The following SMG1 variants were observed in gnomAD, a reference collection of about 807,000 sequenced individuals.
SMG1 encodes SMG1 nonsense mediated mRNA decay associated PI3K related kinase, also known as serine/threonine-protein kinase SMG1.
SMG1 carries 22 observed loss-of-function variants against 419.9 expected under a neutral mutation model. The ratio of observed to expected loss-of-function variants is 0.05; its 90% CI spans 0.04 to 0.07. The LOEUF is 0.07. SMG1 is among the 10% of genes least tolerant of loss of function. The pLI is 1.00. For missense variants in SMG1, 3,185 were observed against 4,342.0 expected, an observed-to-expected ratio of 0.73 and a Z score of 7.49; for synonymous variants, 1,538 against 1,553.5, an observed-to-expected ratio of 0.99 and a Z score of 0.23.
At chr16:18,814,841 G>A (rs1489694306) in intron 60 of SMG1, among the ~76,000 whole-genome samples, 1 of 148,194 alleles carries the variant, frequency 6.7e-6, no homozygotes, top group African/African-American at 2.5e-5. Context: ...GCCTCCCAAA[G>A]TGCTGGGATT....
In SMG1 at chr16:18,845,639, A is replaced by G. The variant is rs759685770; in HGVS notation, c.6009T>C (p.Ile2003=). 1.2e-6 allele frequency: 2 copies of G among 1,609,646 alleles called. No homozygotes were observed. Among genetic ancestry groups the G allele is most frequent in the African/African-American group, 2.7e-5 (2 of 74,804 alleles). The change falls in exon 39 of 63, where the codon ATT becomes ATC. Residue 2003 remains isoleucine, a synonymous_variant. Coordinates refer to ENST00000446231, the MANE Select transcript of SMG1 (RefSeq NM_015092.5). ...NNNTLRKEEK[I]AIMREKHTAL... ...CTGTGTGCTTCTCCCTCATGATTGC[A>G]ATTTTCTCTTCTCTGACCAAGAAGA...
In SMG1 at chr16:18,897,098, C is replaced by A. The variant is rs983194653; in HGVS notation, c.93-142G>T. ...GTACTATATATTATATGTAAGCACT[C>A]AGCTGTCTAATAAGAAGTCTTTCAC... On this transcript the variant is annotated intron_variant, in intron 1 of 62. Transcript: ENST00000446231. 3 of 584,782 alleles carry A rather than the reference C, an allele frequency of 5.1e-6. No individual in the cohort carries two copies. The Admixed American group carries it at 9.8e-5, about 19-fold the overall frequency. The allele number at this position is 584,782 out of a possible 1,614,324, so 36.2% of individuals were successfully genotyped here.
chr16:18,845,965 G>A lies in SMG1; in HGVS notation c.5997-314C>T, dbSNP rs539121974. Among the ~76,000 whole-genome samples, 13 of 152,040 alleles carry A rather than the reference G, an allele frequency of 8.6e-5. No homozygotes were observed. The East Asian group carries it at 1.5e-3, about 18-fold the overall frequency. On this transcript the variant is annotated intron_variant, in intron 38 of 62. Coordinates refer to ENST00000446231, the MANE Select transcript of SMG1 (RefSeq NM_015092.5). Reference sequence around the variant, plus strand: ...TGAGTAGCTGCGACTACACACGCGCGACACCACGCCCAGCTAATTTTTTGT... The same window carrying A: ...TGAGTAGCTGCGACTACACACGCGCAACACCACGCCCAGCTAATTTTTTGT...
At chr16:18,919,661 C>T (rs1305137645) in intron 1 of SMG1, among the ~76,000 whole-genome samples, 3,422 of 17,696 alleles carry the variant, frequency 0.19, 114 homozygotes, top group African/African-American at 0.31. Context: ...TATATATACA[C>T]ACACACACAC....
chr16:18,895,990 A>G (rs2037106997), intron 3 of SMG1, 62 bp downstream of exon 3: 5 of 1,440,744 alleles, frequency 3.5e-6, no homozygotes, highest in East Asian at 2.3e-5. Context: ...GGCATCCAGA[A>G]TAAGAGGAGA....
Position 18,817,646 on chromosome 16 carries a change from C to T in SMG1, c.9895-176G>A, listed in dbSNP as rs537095520. Among the ~76,000 whole-genome samples the T allele has an allele frequency of 9.2e-5, 14 of 152,250 alleles. 1 individual carries two copies. The highest frequency in any genetic ancestry group is 7.2e-4 in the Admixed American group (11 of 15,294). On this transcript the variant is annotated intron_variant, in intron 56 of 62. Coordinates refer to ENST00000446231, the MANE Select transcript of SMG1 (RefSeq NM_015092.5). ...CTTATAAAGGCTGTAAATAAATGTA[C>T]ATTTATACTGACACTGTTAGGTCTG...
chr16:18,910,163 C>G (rs1170942179), intron 1 of SMG1, among the ~76,000 whole-genome samples: 1 of 151,336 alleles, frequency 6.6e-6, no homozygotes, highest in African/African-American at 2.4e-5. Flanking sequence ...ACCTCCTGGG[C>G]TAAGGCAATC....
intron 51 of SMG1, among the ~76,000 whole-genome samples, chr16:18,832,568 C>T (rs996363195): frequency 2.9e-5 from 4 of 139,382 alleles, no homozygotes; most frequent in African/African-American, 8.4e-5. Context: ...TGTATGTGAC[C>T]GAACTATACA....
chr16:18,839,996 G>A, intron 41 of SMG1, 50 bp from the exon 42 acceptor site: 1 of 1,420,186 alleles, frequency 7.0e-7, no homozygotes, highest in Admixed American at 2.5e-5. Flanking sequence ...TTTTATATAA[G>A]GAAAAAGAGT....
At chr16:18,863,018 T>C (rs367705356) in intron 25 of SMG1, among the ~76,000 whole-genome samples, 1 of 152,252 alleles carries the variant, frequency 6.6e-6, no homozygotes, top group Non-Finnish European at 1.5e-5. Flanking sequence ...TCTATCAATA[T>C]TCTTTATCTA....
intron 55 of SMG1, among the ~76,000 whole-genome samples, chr16:18,821,217 G>GTTTTTT (rs2032501770): frequency 1.9e-4 from 6 of 31,730 alleles, no homozygotes; most frequent in African/African-American, 6.3e-4. Flanking sequence ...TATTTAGTAT[G>GTTTTTT]TTTCTTTTTT....
intron 29 of SMG1, chr16:18,857,518 A>C (rs868382822): frequency 1.3e-5 from 2 of 152,236 alleles, no homozygotes; most frequent in Non-Finnish European, 2.9e-5. Context: ...CAGCATCATT[A>C]ATCAAGAAAA....
In SMG1 at chr16:18,870,054, C is replaced by T; in HGVS notation, c.2493-60G>A. The T allele has an allele frequency of 7.2e-6, 8 of 1,116,788 alleles. No individual in the cohort carries two copies. The South Asian group carries it at 7.3e-5, about 10-fold the overall frequency. The allele number at this position is 1,116,788 out of a possible 1,614,324, so 69.2% of individuals were successfully genotyped here. On this transcript the variant is annotated intron_variant, in intron 18 of 62. Coordinates refer to ENST00000446231, the MANE Select transcript of SMG1 (RefSeq NM_015092.5). ...TTTTAGCTTAAAAGGTTAGCACATA[C>T]TGTAAGTGGATTATTTACTTATTAA...
chr16:18,897,943 A>C (rs2037200751), intron 1 of SMG1, among the ~76,000 whole-genome samples: 1 of 152,170 alleles, frequency 6.6e-6, no homozygotes, highest in Non-Finnish European at 1.5e-5. Context: ...TTTACTAAAA[A>C]TGCTTTCTCA....
Position 18,838,174 on chromosome 16 carries a change from A to G in SMG1, c.7253T>C (p.Val2418Ala). ...ETLLTLLEAF[V>A]YDPLVDWTAG... ...TGTCCAGTCCACCAGAGGGTCGTAC[A>G]CAAAGGCCTCCAGCAGCGTCAGCAG... is the stretch of plus-strand genomic sequence containing the variant. The change falls in exon 45 of 63, where the codon GTG becomes GCG. Residue 2418 changes from valine to alanine, a missense_variant. This residue lies in a region of SMG1 where 60 missense variants were observed against 133.9 expected (regional missense o/e 0.45). Transcript: ENST00000446231. The G allele has an allele frequency of 6.2e-7, 1 of 1,613,396 alleles. No individual in the cohort carries two copies. Among genetic ancestry groups the G allele is most frequent in the Non-Finnish European group, 8.5e-7 (1 of 1,179,586 alleles).
At position 18,829,957 on chromosome 16, in the gene SMG1, C is replaced by A; in HGVS notation, c.9102G>T (p.Arg3034Ser). 1 of 1,572,522 alleles carries A rather than the reference C, an allele frequency of 6.4e-7. No homozygotes were observed. The highest frequency in any genetic ancestry group is 2.0e-5 in the Admixed American group (1 of 51,014). Residue 3034 changes from arginine to serine, a missense_variant, in exon 53 of 63, where the codon AGG (arginine) becomes AGT (serine). By Grantham distance (110) the Arg-to-Ser change is moderately radical. This residue lies in a region of SMG1 where 737 missense variants were observed against 846.6 expected (regional missense o/e 0.87). Transcript: ENST00000446231. ...KRLQTIKEFF[R>S]LCGTFSKTLS... ...ATGTTTTAGAAAAGGTACCACAGAG[C>A]CTGAAGAACTCCTTAATAGTCTGTA...
rs1484710342 is a variant in SMG1, at chr16:18,836,368, A to G, written c.7769T>C (p.Met2590Thr). 3 of 1,613,608 alleles carry G rather than the reference A, an allele frequency of 1.9e-6. No homozygotes were observed. The highest frequency in any genetic ancestry group is 2.5e-6 in the Non-Finnish European group (3 of 1,179,740). Reference protein sequence around the residue: ...ASLLQEISTQMDLGPPSYVPA... With the variant: ...ASLLQEISTQTDLGPPSYVPA... ...AATAAGTCAACCCATACCAAGGTCC[A>G]TTTGTGTGCTTATCTCTTGAAGCAA... The change falls in exon 47 of 63, where the codon ATG becomes ACG. Residue 2590 changes from methionine (M) to threonine (T), a missense_variant. Met to Thr is a moderately conservative substitution (Grantham distance 81). Transcript: ENST00000446231.
At chr16:18,919,611 A>G (rs78223457) in intron 1 of SMG1, among the ~76,000 whole-genome samples, 26,241 of 145,086 alleles carry the variant, frequency 0.18, 2,565 homozygotes, top group Middle Eastern at 0.25. Flanking sequence ...GCAACAGAGC[A>G]ACACTCCGTC....
At chr16:18,920,020 G>A (rs1341253550) in intron 1 of SMG1, among the ~76,000 whole-genome samples, 2 of 151,886 alleles carry the variant, frequency 1.3e-5, no homozygotes, top group African/African-American at 2.4e-5. Context: ...AAACCCAGGA[G>A]GTGGAGGTTG....
Sources: allele counts gnomAD v4.1 joint callset (sites outside exome capture counted in the v4.1 genomes callset), GRCh38; gene constraint gnomAD v4.1.1; regional missense constraint gnomAD v4.1.1; transcripts MANE v1.5; gene names NCBI Gene and HGNC (gene_info 2026-07-23, HGNC 2026-07-21).